The following CSMD2 variants were observed in gnomAD, a reference collection of about 807,000 sequenced individuals.
The protein encoded by CSMD2 is CUB and Sushi multiple domains 2, also known as CUB and sushi domain-containing protein 2.
In CSMD2, 130 loss-of-function variants were observed where a neutral mutation model predicts 398.5. The ratio of observed to expected loss-of-function variants is 0.33; its 90% CI spans 0.28 to 0.38. CSMD2 has a LOEUF of 0.38. CSMD2 is among the 10% of genes least tolerant of loss of function. The pLI, the probability that CSMD2 is intolerant of heterozygous loss-of-function variation, is 1.00. For synonymous variants in CSMD2, 1,828 were observed against 1,908.5 expected (o/e 0.96, Z 1.10); for missense variants, 3,829 against 4,764.9 (o/e 0.80, Z 5.78).
intron 1 of CSMD2, among the ~76,000 whole-genome samples, chr1:34,113,689 A>G (rs536670191): frequency 8.5e-5 from 13 of 152,300 alleles, no homozygotes; most frequent in African/African-American, 3.1e-4. Context: ...CCCCACAGAA[A>G]CACTGACTTA....
intron 1 of CSMD2, among the ~76,000 whole-genome samples, chr1:34,125,536 T>TGTGTGTGTGTGTGTGC (rs1662654917): frequency 6.6e-6 from 1 of 151,332 alleles, no homozygotes; most frequent in Non-Finnish European, 1.5e-5. Flanking sequence ...TGTGTGTGTG[T>TGTGTGTGTGTGTGTGC]GTGTGTGTGT....
At chr1:33,774,586 A>G (rs1268438087) in intron 12 of CSMD2, among the ~76,000 whole-genome samples, 2 of 152,126 alleles carry the variant, frequency 1.3e-5, no homozygotes, top group African/African-American at 4.8e-5. Flanking sequence ...TGAAAGTTAC[A>G]CAGCATTTCA....
In CSMD2 at chr1:33,809,958, T is replaced by C. The variant is rs144161739; in HGVS notation, c.1446+785A>G. 2.1e-3 allele frequency among the ~76,000 whole-genome samples: 317 copies of C among 152,060 alleles called. 1 individual carries two copies. The highest frequency in any genetic ancestry group is 7.0e-3 in the African/African-American group (289 of 41,514). The stretch of plus-strand genomic sequence containing the variant: ...AGGAGTAAATATATTAAGAAATACA[T>C]AAGATCTGTAATGGAAAAAATTATA... On this transcript the variant is annotated intron_variant, in intron 10 of 70. Coordinates refer to ENST00000373381, the MANE Select transcript of CSMD2 (RefSeq NM_001281956.2).
chr1:33,809,544 T>G (rs1656615795), intron 10 of CSMD2, among the ~76,000 whole-genome samples: 1 of 151,846 alleles, frequency 6.6e-6, no homozygotes, highest in African/African-American at 2.4e-5. Context: ...AAATGAAAAA[T>G]AAGCTTCAGC....
chr1:33,724,511 C>T lies in CSMD2; in HGVS notation c.2884+5G>A. The T allele has an allele frequency of 6.2e-7, 1 of 1,612,830 alleles. No homozygotes were observed. Among genetic ancestry groups the T allele is most frequent in the Non-Finnish European group, 8.5e-7 (1 of 1,179,284 alleles). On this transcript the variant is annotated splice_donor_5th_base_variant and intron_variant, in intron 18 of 70. Coordinates refer to ENST00000373381, the MANE Select transcript of CSMD2 (RefSeq NM_001281956.2). ...ACTTTAGCGCCCCCTCATGGTGTCCCTCACCTTCACAACTGGGCAGGGCCC... is the reference window on the plus strand; with the variant it reads ...ACTTTAGCGCCCCCTCATGGTGTCCTTCACCTTCACAACTGGGCAGGGCCC...
intron 2 of CSMD2, among the ~76,000 whole-genome samples, chr1:34,075,225 G>C (rs1288394535): frequency 6.6e-6 from 1 of 152,118 alleles, no homozygotes; most frequent in African/African-American, 2.4e-5. Flanking sequence ...TTTCAATCCT[G>C]AACAAAGACT....
intron 22 of CSMD2, among the ~76,000 whole-genome samples, chr1:33,703,029 T>C (rs1364336567): frequency 5.9e-5 from 9 of 152,198 alleles, no homozygotes; most frequent in Admixed American, 5.2e-4. Context: ...GTCAACTTTC[T>C]ATTCTATTGC....
At position 33,581,357 on chromosome 1, in the gene CSMD2, A is replaced by T. The variant is rs1476114297; in HGVS notation, c.7241-458T>A. 9.0e-3 allele frequency among the ~76,000 whole-genome samples: 1,259 copies of T among 139,624 alleles called. 51 individuals carry two copies. Among genetic ancestry groups the T allele is most frequent in the South Asian group, 0.039 (160 of 4,130 alleles). 91.6% of individuals were successfully genotyped at this position (139,624 alleles called of 152,430 possible). ...GCAAGCAAGACCCCATCTTTACTAAAAAAAAAAAAAAAAAAAAAAAAAAAT... is the reference window on the plus strand; with the variant it reads ...GCAAGCAAGACCCCATCTTTACTAATAAAAAAAAAAAAAAAAAAAAAAAAT... On this transcript the variant is annotated intron_variant, in intron 47 of 70. Coordinates refer to ENST00000373381, the MANE Select transcript of CSMD2 (RefSeq NM_001281956.2).
intron 2 of CSMD2, among the ~76,000 whole-genome samples, chr1:34,088,278 C>T (rs1658146415): frequency 6.6e-6 from 1 of 152,228 alleles, no homozygotes; most frequent in Non-Finnish European, 1.5e-5. Flanking sequence ...CTGACCTGGA[C>T]AAGGCTTGTG....
chr1:33,832,245 T>C (rs557433660), intron 6 of CSMD2, among the ~76,000 whole-genome samples: 7 of 152,052 alleles, frequency 4.6e-5, no homozygotes, highest in African/African-American at 1.7e-4. Flanking sequence ...ATTCCAAAAT[T>C]GACCACATAG....
At chr1:33,804,730 T>C (rs2124936995) in intron 10 of CSMD2, 1 of 717,418 alleles carries the variant, frequency 1.4e-6, no homozygotes, top group Non-Finnish European at 2.6e-6. Context: ...AGTCCTTGGA[T>C]ACACCTGTAT....
intron 3 of CSMD2, among the ~76,000 whole-genome samples, chr1:33,996,861 A>T (rs540183071): frequency 5.3e-5 from 8 of 152,144 alleles, no homozygotes; most frequent in African/African-American, 1.9e-4. Flanking sequence ...AAGGAGAAAA[A>T]AGGGACCGGA....
intron 2 of CSMD2, among the ~76,000 whole-genome samples, chr1:34,049,322 T>C (rs1652907448): frequency 6.6e-6 from 1 of 152,160 alleles, no homozygotes; most frequent in African/African-American, 2.4e-5. Flanking sequence ...CAGGCCTTAC[T>C]TCCCAGTGTC....
intron 49 of CSMD2, among the ~76,000 whole-genome samples, chr1:33,573,399 C>T (rs2148700893): frequency 6.6e-6 from 1 of 151,762 alleles, no homozygotes; most frequent in Non-Finnish European, 1.5e-5. Context: ...GGAAACAGAG[C>T]TAATTTAGAA....
chr1:33,855,183 C>A (rs927815234), intron 5 of CSMD2, among the ~76,000 whole-genome samples: 4 of 152,112 alleles, frequency 2.6e-5, no homozygotes, highest in African/African-American at 9.7e-5. Context: ...CTAAATCAGG[C>A]AGTTCTACTC....
At chr1:34,123,164 G>A (rs1198594757) in intron 1 of CSMD2, among the ~76,000 whole-genome samples, 1 of 152,212 alleles carries the variant, frequency 6.6e-6, no homozygotes, top group African/African-American at 2.4e-5. Flanking sequence ...CAGGATTAGA[G>A]GGTTGGGACT....
chr1:33,723,556 T>C (rs1041899685), intron 19 of CSMD2, among the ~76,000 whole-genome samples: 1 of 152,232 alleles, frequency 6.6e-6, no homozygotes, highest in African/African-American at 2.4e-5. Flanking sequence ...CCAGCACTTT[T>C]ACTTTGAACT....
intron 48 of CSMD2, 39 bp from the exon 49 acceptor site, chr1:33,577,523 A>G (rs758974429): frequency 5.1e-6 from 8 of 1,562,856 alleles, no homozygotes; most frequent in Non-Finnish European, 7.0e-6. Context: ...TGGCACCAGC[A>G]GGAAGACAGA....
intron 37 of CSMD2, among the ~76,000 whole-genome samples, chr1:33,620,419 C>T (rs1641693707): frequency 6.6e-6 from 1 of 152,206 alleles, no homozygotes; most frequent in Non-Finnish European, 1.5e-5. Context: ...CTCCGTAGCT[C>T]TTCCCATCAT....
Sources: allele counts gnomAD v4.1 joint callset (sites outside exome capture counted in the v4.1 genomes callset), GRCh38; gene constraint gnomAD v4.1.1; transcripts MANE v1.5; gene names NCBI Gene and HGNC (gene_info 2026-07-23, HGNC 2026-07-21).